TJP1: variants seen among roughly 807,000 people sequenced by gnomAD.
TJP1 encodes the protein tight junction protein 1, also known as tight junction protein ZO-1.
In TJP1, 43 loss-of-function variants were observed where a neutral mutation model predicts 194.2. The ratio of observed to expected loss-of-function variants is 0.22; its 90% CI spans 0.17 to 0.29. TJP1 has a LOEUF of 0.29. Ranked by LOEUF, TJP1 falls within the 10% of genes least tolerant of loss-of-function variation. The probability of loss-of-function intolerance (pLI) is 1.00; values close to 1 mark genes in which losing one functional copy is unlikely to be tolerated. For synonymous variants in TJP1, 801 were observed against 779.0 expected (o/e 1.03, Z -0.47); for missense variants, 1,971 against 2,185.7 (o/e 0.90, Z 1.96).
chr15:29,920,776 C>T (rs1277228525), intron 2 of TJP1, among the ~76,000 whole-genome samples: 5 of 152,140 alleles, frequency 3.3e-5, no homozygotes, highest in Non-Finnish European at 2.9e-5. Context: ...TGGCTCCGTT[C>T]CCGAAGCTGA....
intron 4 of TJP1, among the ~76,000 whole-genome samples, chr15:29,770,958 C>G (rs889881033): frequency 1.6e-4 from 25 of 152,052 alleles, no homozygotes; most frequent in Non-Finnish European, 3.2e-4. Context: ...CAGTAATGTC[C>G]TAAGATGTCA....
intron 2 of TJP1, among the ~76,000 whole-genome samples, chr15:29,864,804 T>C (rs1401838828): frequency 1.3e-5 from 2 of 152,320 alleles, no homozygotes; most frequent in Non-Finnish European, 1.5e-5. Flanking sequence ...AGATCCTTTA[T>C]ACTTGGCACG....
At chr15:29,872,489 T>G (rs536243515) in intron 2 of TJP1, among the ~76,000 whole-genome samples, 9 of 152,336 alleles carry the variant, frequency 5.9e-5, no homozygotes, top group Non-Finnish European at 1.3e-4. Context: ...CACGGAGGTC[T>G]GCCCTCTGAC....
chr15:29,868,592 A>G (rs1291078182), intron 2 of TJP1, among the ~76,000 whole-genome samples: 1 of 152,230 alleles, frequency 6.6e-6, no homozygotes, highest in Non-Finnish European at 1.5e-5. Context: ...GGAAAGGAAG[A>G]AAGGGAAGGA....
At chr15:29,932,218 T>C (rs2152271736) in intron 2 of TJP1, among the ~76,000 whole-genome samples, 1 of 152,338 alleles carries the variant, frequency 6.6e-6, no homozygotes, top group South Asian at 2.1e-4. Context: ...TTCACACGTC[T>C]CTGACAATAC....
chr15:29,949,625 T>TCCA (rs2055532570), intron 2 of TJP1, among the ~76,000 whole-genome samples: 1 of 33,672 alleles, frequency 3.0e-5, no homozygotes, highest in Non-Finnish European at 5.5e-5. Flanking sequence ...CACCACCACC[T>TCCA]CCACCTCCAC....
intron 2 of TJP1, among the ~76,000 whole-genome samples, chr15:29,867,400 C>T (rs1182132444): frequency 6.6e-6 from 1 of 152,196 alleles, no homozygotes; most frequent in African/African-American, 2.4e-5. Flanking sequence ...GCAGCCCTCC[C>T]TGGAAGAAGG....
At chr15:29,787,130 A>G (rs2047749642) in intron 2 of TJP1, among the ~76,000 whole-genome samples, 1 of 152,186 alleles carries the variant, frequency 6.6e-6, no homozygotes, top group Non-Finnish European at 1.5e-5. Context: ...TTACTGATAT[A>G]TAATTCATAT....
intron 2 of TJP1, among the ~76,000 whole-genome samples, chr15:29,902,910 T>C (rs896883810): frequency 5.9e-5 from 9 of 152,086 alleles, no homozygotes; most frequent in Non-Finnish European, 1.2e-4. Flanking sequence ...GGCGGGCGCC[T>C]GTAATCCCAG....
Position 29,701,246 on chromosome 15 carries a change from G to A in TJP1, c.*349C>T. 4.6e-6 allele frequency: 1 copy of A among 216,078 alleles called. No individual in the cohort carries two copies. Among genetic ancestry groups the A allele is most frequent in the Non-Finnish European group, 9.3e-6 (1 of 107,084 alleles). 13.4% of individuals were successfully genotyped at this position (216,078 alleles called of 1,614,324 possible). ...GTAAAGTTTGAAACAGTGTACTTTG[G>A]AAAGAACAGACCTCAAATGCACCCC... On this transcript the variant is annotated 3_prime_UTR_variant, in exon 28 of 28. Coordinates refer to ENST00000614355, the MANE Select transcript of TJP1 (RefSeq NM_001330239.4).
chr15:29,782,759 A>G (rs1198696225), intron 2 of TJP1, among the ~76,000 whole-genome samples: 1 of 152,098 alleles, frequency 6.6e-6, no homozygotes, highest in Admixed American at 6.5e-5. Context: ...TAAACAGACA[A>G]CCTACAGAAT....
At chr15:29,791,847 G>A (rs1012807826) in intron 2 of TJP1, among the ~76,000 whole-genome samples, 8 of 151,972 alleles carry the variant, frequency 5.3e-5, no homozygotes, top group African/African-American at 1.9e-4. Flanking sequence ...TTATACTTTC[G>A]ATTAGTATTT....
chr15:29,950,661 G>A (rs1336795679), intron 2 of TJP1, among the ~76,000 whole-genome samples: 3 of 152,204 alleles, frequency 2.0e-5, no homozygotes, highest in South Asian at 4.1e-4. Context: ...ACAGAACTGG[G>A]AAGCCCAGAA....
At chr15:29,743,306 G>A (rs2044549309) in intron 8 of TJP1, among the ~76,000 whole-genome samples, 1 of 152,084 alleles carries the variant, frequency 6.6e-6, no homozygotes, top group African/African-American at 2.4e-5. Flanking sequence ...ATAATACTGG[G>A]CTGAACTAAA....
At position 29,745,431 on chromosome 15, in the gene TJP1, A is replaced by G. The variant is rs180782608; in HGVS notation, c.1011-2650T>C. ...ATCAGATGGAAATGAAAGGGAAAAA[A>G]TAACACCAGTAACAAGAACATTAAA... is the stretch of plus-strand genomic sequence containing the variant. On this transcript the variant is annotated intron_variant, in intron 8 of 27. Transcript: ENST00000614355. Among the ~76,000 whole-genome samples, 71 of 152,342 alleles carry G rather than the reference A, an allele frequency of 4.7e-4. No individual in the cohort carries two copies. In the East Asian group the frequency reaches 0.013, roughly 29 times the overall value.
At chr15:29,871,872 C>T (rs574268742) in intron 2 of TJP1, among the ~76,000 whole-genome samples, 15 of 152,288 alleles carry the variant, frequency 9.8e-5, no homozygotes, top group Non-Finnish European at 2.1e-4. Flanking sequence ...AGATTTATTG[C>T]CATAAGACAT....
In TJP1 at chr15:29,716,762, C is replaced by G; in HGVS notation, c.4051G>C (p.Asp1351His). Residue 1351 changes from aspartate to histidine, a missense_variant, in exon 23 of 28, where the codon GAT becomes CAT. By Grantham distance (81) the Asp-to-His change is moderately conservative. Around this residue, in one of 5 missense-constraint regions of TJP1, gnomAD observed 1,108 missense variants for 1,128.5 expected, o/e 0.98. Transcript: ENST00000614355. ...VRSNHYDPEEDEEYYRKQLSY... is the reference protein window; with the variant it reads ...VRSNHYDPEEHEEYYRKQLSY... ...AGCTGTTTTCGATAATATTCTTCAT[C>G]TTCTTCAGGGTCATAATGATTGGAC... 1 of 1,614,120 alleles carries G rather than the reference C, an allele frequency of 6.2e-7. No homozygotes were observed. The highest frequency in any genetic ancestry group is 8.5e-7 in the Non-Finnish European group (1 of 1,180,014).
intron 2 of TJP1, among the ~76,000 whole-genome samples, chr15:29,915,806 CTTT>C (rs2054166023): frequency 6.7e-6 from 1 of 150,230 alleles, no homozygotes; most frequent in Admixed American, 6.7e-5. Flanking sequence ...TAGCTACTTT[CTTT>C]GTTTTGGTAT....
chr15:29,749,574 G>A (rs1209633840), intron 8 of TJP1, among the ~76,000 whole-genome samples: 1 of 152,134 alleles, frequency 6.6e-6, no homozygotes, highest in Non-Finnish European at 1.5e-5. Flanking sequence ...TAAAGTACTC[G>A]GTGGCCAGCA....
Sources: allele counts gnomAD v4.1 joint callset (sites outside exome capture counted in the v4.1 genomes callset), GRCh38; gene constraint gnomAD v4.1.1; regional missense constraint gnomAD v4.1.1; transcripts MANE v1.5; gene names NCBI Gene and HGNC (gene_info 2026-07-23, HGNC 2026-07-21).